Variants in ASTN2 observed in about 807,000 individuals in gnomAD.
ASTN2 encodes the protein astrotactin-2.
A neutral mutation model predicts 139.8 loss-of-function variants in ASTN2; 54 were observed. The ratio of observed to expected loss-of-function variants is 0.39; its 90% confidence interval spans 0.31 to 0.48. The LOEUF is 0.48. Ranked by LOEUF, ASTN2 falls within the 20% of genes least tolerant of loss-of-function variation. The pLI is 0.95. For synonymous variants in ASTN2, 756 were observed against 719.5 expected, an observed-to-expected ratio of 1.05 and a Z score of -0.81; for missense variants, 1,565 against 1,725.1, an observed-to-expected ratio of 0.91 and a Z score of 1.64.
At chr9:116,993,876 A>ATATATATTTTTTTT (rs1030120382) in intron 7 of ASTN2, among the ~76,000 whole-genome samples, 16 of 142,058 alleles carry the variant, frequency 1.1e-4, no homozygotes, top group South Asian at 2.2e-4. Context: ...ATATATATAT[A>ATATATATTTTTTTT]TTTTAACTAT....
chr9:117,041,352 A>G (rs1203078290), intron 5 of ASTN2, among the ~76,000 whole-genome samples: 2 of 152,124 alleles, frequency 1.3e-5, no homozygotes, highest in Non-Finnish European at 2.9e-5. Flanking sequence ...AAATATATTA[A>G]TAACACGTTC....
At chr9:116,495,342 A>G (rs1251960900) in intron 19 of ASTN2, among the ~76,000 whole-genome samples, 4 of 152,178 alleles carry the variant, frequency 2.6e-5, no homozygotes, top group Non-Finnish European at 4.4e-5. Flanking sequence ...CAATTTAGGT[A>G]GAGCTAAGGC....
At chr9:116,919,715 A>C (rs1223994695) in intron 10 of ASTN2, among the ~76,000 whole-genome samples, 1 of 143,540 alleles carries the variant, frequency 7.0e-6, no homozygotes, top group Non-Finnish European at 1.5e-5. Context: ...AGGCTGAGGC[A>C]GGTGGATTGC....
chr9:116,783,914 C>T (rs1830291286), intron 13 of ASTN2, among the ~76,000 whole-genome samples: 1 of 152,096 alleles, frequency 6.6e-6, no homozygotes, highest in South Asian at 2.1e-4. Context: ...TGTATAGATA[C>T]TTTGCTAGGT....
At chr9:116,694,872 T>C (rs1049161835) in intron 16 of ASTN2, among the ~76,000 whole-genome samples, 4 of 152,090 alleles carry the variant, frequency 2.6e-5, no homozygotes, top group African/African-American at 9.7e-5. Context: ...TCAGACCTCA[T>C]ACGCTCATGA....
chr9:116,792,662 C>T (rs1251926832), intron 13 of ASTN2, among the ~76,000 whole-genome samples: 1 of 152,126 alleles, frequency 6.6e-6, no homozygotes, highest in Non-Finnish European at 1.5e-5. Context: ...TCTCCCCTGG[C>T]TGCTGCAAAA....
At chr9:117,253,805 A>C (rs898861778) in intron 2 of ASTN2, among the ~76,000 whole-genome samples, 1 of 152,184 alleles carries the variant, frequency 6.6e-6, no homozygotes, top group African/African-American at 2.4e-5. Flanking sequence ...CTCTTGTCCT[A>C]GAATGAAGCT....
chr9:116,599,020 G>A (rs1438904958), intron 19 of ASTN2, among the ~76,000 whole-genome samples: 1 of 152,220 alleles, frequency 6.6e-6, no homozygotes, highest in Non-Finnish European at 1.5e-5. Context: ...TCTGTCCCTG[G>A]TCTAAATTAA....
intron 1 of ASTN2, among the ~76,000 whole-genome samples, chr9:117,367,659 G>T (rs544241764): frequency 2.0e-5 from 3 of 152,190 alleles, no homozygotes; most frequent in Admixed American, 6.6e-5. Flanking sequence ...CCTCCCTAGG[G>T]TCTAATACAG....
intron 3 of ASTN2, among the ~76,000 whole-genome samples, chr9:117,173,452 A>G (rs558454961): frequency 6.6e-6 from 1 of 152,278 alleles, no homozygotes; most frequent in African/African-American, 2.4e-5. Context: ...AGTGTTTCTC[A>G]AACACACAGA....
chr9:116,549,104 T>TA (rs1476146217), intron 19 of ASTN2, among the ~76,000 whole-genome samples: 2 of 151,860 alleles, frequency 1.3e-5, no homozygotes, highest in Non-Finnish European at 2.9e-5. Context: ...GGGATGAGTT[T>TA]AAAACCACAT....
intron 19 of ASTN2, among the ~76,000 whole-genome samples, chr9:116,542,576 T>G (rs1047703502): frequency 6.6e-6 from 1 of 152,194 alleles, no homozygotes; most frequent in African/African-American, 2.4e-5. Context: ...AGATTACATT[T>G]TGGAGTTACA....
chr9:116,481,799 G>A (rs1489795405), intron 20 of ASTN2, among the ~76,000 whole-genome samples: 1 of 152,178 alleles, frequency 6.6e-6, no homozygotes, highest in African/African-American at 2.4e-5. Flanking sequence ...CCCAAGCCTA[G>A]TATTCTTTCC....
chr9:117,091,678 G>A (rs989912785), intron 5 of ASTN2, among the ~76,000 whole-genome samples: 9 of 152,042 alleles, frequency 5.9e-5, no homozygotes, highest in East Asian at 3.9e-4. Flanking sequence ...AAGAGGCCCC[G>A]GGGGAGAGGT....
At chr9:116,451,939 G>C (rs995171505) in intron 20 of ASTN2, among the ~76,000 whole-genome samples, 3 of 150,808 alleles carry the variant, frequency 2.0e-5, no homozygotes, top group Non-Finnish European at 4.4e-5. Context: ...GACTGTGTTT[G>C]CCTTTCTTTT....
chr9:116,802,134 G>A (rs928211436), intron 13 of ASTN2, among the ~76,000 whole-genome samples: 2 of 146,700 alleles, frequency 1.4e-5, no homozygotes, highest in African/African-American at 5.0e-5. Context: ...TGTCTCCCAG[G>A]CTGGAGTGCA....
Position 116,685,376 on chromosome 9 carries a change from A to G in ASTN2, c.2807-33583T>C, listed in dbSNP as rs77548643. Among the ~76,000 whole-genome samples, 51 of 152,300 alleles carry G rather than the reference A, an allele frequency of 3.3e-4. No homozygotes were observed. The East Asian group carries it at 9.3e-3, about 28-fold the overall frequency. ...TCAGGGAGATGACTTGAGTAATCAT[A>G]AAACTCCAGTCTCCCGCACAGCTGA... is the stretch of plus-strand genomic sequence containing the variant. On this transcript the variant is annotated intron_variant, in intron 16 of 22. Transcript: ENST00000313400.
At chr9:117,337,890 A>G (rs1449781899) in intron 1 of ASTN2, among the ~76,000 whole-genome samples, 1 of 152,202 alleles carries the variant, frequency 6.6e-6, no homozygotes, top group East Asian at 1.9e-4. Context: ...AATAGCAGGT[A>G]CAATAAATTA....
At chr9:116,570,498 C>G (rs977256955) in intron 19 of ASTN2, among the ~76,000 whole-genome samples, 1 of 152,134 alleles carries the variant, frequency 6.6e-6, no homozygotes, top group African/African-American at 2.4e-5. Flanking sequence ...CAGGTTCATG[C>G]CTTTCTCCTG....
Sources: allele counts gnomAD v4.1 joint callset (sites outside exome capture counted in the v4.1 genomes callset), GRCh38; gene constraint gnomAD v4.1.1; transcripts MANE v1.5; gene names NCBI Gene and HGNC (gene_info 2026-07-23, HGNC 2026-07-21).